The following TNNI3K variants were observed in gnomAD, a reference collection of about 807,000 sequenced individuals.
The protein encoded by TNNI3K is TNNI3 interacting kinase, also known as serine/threonine-protein kinase TNNI3K.
Under a neutral mutation model 114.5 loss-of-function variants are expected in TNNI3K, and 140 were observed. The observed-to-expected ratio is 1.22, with a 90% CI of 1.07 to 1.41. The LOEUF is 1.41. TNNI3K is among the 40% of genes most tolerant of loss of function. The pLI is 0.00. For missense variants in TNNI3K, 1,125 were observed against 1,007.6 expected (o/e 1.12, Z -1.58); for synonymous variants, 347 against 347.5 (o/e 1.00, Z 0.02).
chr1:74,236,027 C>G (rs1653835150), intron 1 of TNNI3K, 75 bp from the exon 2 acceptor site: 4 of 1,104,230 alleles, frequency 3.6e-6, no homozygotes, highest in Non-Finnish European at 5.2e-6. Flanking sequence ...GTTTTGATTA[C>G]TTGTATGTTA....
intron 23 of TNNI3K, among the ~76,000 whole-genome samples, chr1:74,503,892 A>C (rs1189258771): frequency 6.6e-6 from 1 of 152,208 alleles, no homozygotes; most frequent in Admixed American, 6.5e-5. Flanking sequence ...TGACAGTGTG[A>C]AAGTGTTTGG....
intron 11 of TNNI3K, among the ~76,000 whole-genome samples, chr1:74,354,504 G>T (rs1170340224): frequency 1.3e-5 from 2 of 151,910 alleles, no homozygotes; most frequent in Admixed American, 1.3e-4. Flanking sequence ...GTACAAGGGG[G>T]GGGGAAAGAA....
At chr1:74,416,495 A>G in intron 17 of TNNI3K, 1 of 982,206 alleles carries the variant, frequency 1.0e-6, no homozygotes, top group Non-Finnish European at 1.2e-6. Flanking sequence ...GCTTTACACT[A>G]GTAGGTGTGA....
At chr1:74,253,519 G>C (rs1655080139) in intron 4 of TNNI3K, among the ~76,000 whole-genome samples, 1 of 152,140 alleles carries the variant, frequency 6.6e-6, no homozygotes, top group Admixed American at 6.5e-5. Flanking sequence ...CTGAGAAATG[G>C]AGCACAGCGC....
chr1:74,476,215 C>T (rs1323794402), intron 21 of TNNI3K, among the ~76,000 whole-genome samples: 1 of 152,096 alleles, frequency 6.6e-6, no homozygotes, highest in Non-Finnish European at 1.5e-5. Context: ...ATTTCATGTT[C>T]TATGTAGTTT....
chr1:74,390,257 A>C (rs181969227), intron 17 of TNNI3K, among the ~76,000 whole-genome samples: 128 of 152,256 alleles, frequency 8.4e-4, no homozygotes, highest in African/African-American at 3.0e-3. Flanking sequence ...TCTGGGTAAG[A>C]TTGAGTATTA....
chr1:74,265,169 T>C (rs6700161), intron 4 of TNNI3K, among the ~76,000 whole-genome samples: 17,047 of 152,008 alleles, frequency 0.11, 1,163 homozygotes, highest in South Asian at 0.15. Context: ...GGAATGCCAA[T>C]TGGGTTCTCT....
intron 7 of TNNI3K, among the ~76,000 whole-genome samples, chr1:74,338,076 A>C (rs1343004336): frequency 1.3e-5 from 2 of 152,036 alleles, no homozygotes. Context: ...ACATATATAT[A>C]TGAGAGAATT....
intron 21 of TNNI3K, chr1:74,471,827 G>T (rs565423428): frequency 2.3e-6 from 1 of 443,644 alleles, no homozygotes; most frequent in Non-Finnish European, 4.0e-6. Flanking sequence ...TCTTTCTCAG[G>T]CTTTGAGTGT....
chr1:74,369,599 G>C lies in TNNI3K; in HGVS notation c.1667+14G>C. ...TGAGCAGAAGAGGTATGGGTCTTTT[G>C]TTCTGATTTATCCTTGGACATTCCG... On this transcript the variant is annotated intron_variant, in intron 16 of 24. Transcript: ENST00000326637. The C allele has an allele frequency of 6.3e-7, 1 of 1,585,904 alleles. No individual in the cohort carries two copies. Among genetic ancestry groups the C allele is most frequent in the Non-Finnish European group, 8.6e-7 (1 of 1,168,130 alleles).
At chr1:74,341,922 T>C (rs1660764994) in intron 7 of TNNI3K, 1 of 152,352 alleles carries the variant, frequency 6.6e-6, no homozygotes. Flanking sequence ...TCATCAGCTC[T>C]GAAGTCAGAG....
intron 7 of TNNI3K, among the ~76,000 whole-genome samples, chr1:74,336,365 T>C (rs886420127): frequency 1.3e-5 from 2 of 152,210 alleles, no homozygotes; most frequent in African/African-American, 4.8e-5. Flanking sequence ...TATTTTTAAT[T>C]ATACTTTAAG....
intron 5 of TNNI3K, among the ~76,000 whole-genome samples, chr1:74,293,516 T>C (rs1021751142): frequency 6.6e-6 from 1 of 151,768 alleles, no homozygotes; most frequent in Non-Finnish European, 1.5e-5. Flanking sequence ...AAATTTAAAT[T>C]AAAATTTTCA....
chr1:74,253,839 G>GT (rs1231399662), intron 4 of TNNI3K, among the ~76,000 whole-genome samples: 1 of 152,224 alleles, frequency 6.6e-6, no homozygotes, highest in African/African-American at 2.4e-5. Context: ...TGCAGCCAGA[G>GT]TGGGCGCCAA....
intron 3 of TNNI3K, among the ~76,000 whole-genome samples, chr1:74,250,273 A>T (rs1408782550): frequency 1.3e-5 from 2 of 152,310 alleles, no homozygotes; most frequent in East Asian, 3.9e-4. Context: ...CCTTGGTTAT[A>T]TCCTTCATAT....
intron 23 of TNNI3K, among the ~76,000 whole-genome samples, chr1:74,520,261 C>A (rs1378233062): frequency 2.0e-5 from 3 of 152,140 alleles, no homozygotes; most frequent in Admixed American, 1.3e-4. Flanking sequence ...AAAATTGACT[C>A]AACTGGAATC....
intron 5 of TNNI3K, among the ~76,000 whole-genome samples, chr1:74,296,263 A>G (rs1657977213): frequency 6.6e-6 from 1 of 151,412 alleles, no homozygotes; most frequent in Non-Finnish European, 1.5e-5. Context: ...GTGACAGAGC[A>G]AGACTCCGTC....
At chr1:74,299,186 G>A (rs985990574) in intron 5 of TNNI3K, among the ~76,000 whole-genome samples, 2 of 152,104 alleles carry the variant, frequency 1.3e-5, no homozygotes, top group African/African-American at 4.8e-5. Flanking sequence ...CACTGTAAAT[G>A]TAGCAGCCTC....
chr1:74,471,851 G>T lies in TNNI3K; in HGVS notation c.2121+8301G>T, dbSNP rs191221619. The T allele has an allele frequency of 5.0e-4, 224 of 450,936 alleles. 1 individual carries two copies. The highest frequency in any genetic ancestry group is 7.2e-4 in the Non-Finnish European group (184 of 255,750). 27.9% of individuals were successfully genotyped at this position (450,936 alleles called of 1,614,324 possible). A position where few individuals can be genotyped will look rare whatever the true frequency, so the allele number is the denominator to read the frequency against. The stretch of plus-strand genomic sequence containing the variant: ...GGCTTTGAGTGTTGTCTACGATTTG[G>T]CTTCTTTTCTTTCATGTAATCTTCA... On this transcript the variant is annotated intron_variant, in intron 21 of 24. Coordinates refer to ENST00000326637, the MANE Select transcript of TNNI3K (RefSeq NM_015978.3).
Sources: gnomAD v4.1 joint callset for allele counts (sites outside exome capture counted in the v4.1 genomes callset) on GRCh38, gnomAD v4.1.1 for gene constraint, MANE v1.5 for transcripts, NCBI Gene and HGNC (gene_info 2026-07-23, HGNC 2026-07-21) for gene names.